KCNIP3: variants seen among roughly 807,000 people sequenced by gnomAD.
KCNIP3 encodes the protein potassium voltage-gated channel interacting protein 3.
In KCNIP3, 28 loss-of-function variants were observed where a neutral mutation model predicts 35.0. That is an observed-to-expected ratio of 0.80 (90% CI 0.59 to 1.10). The LOEUF (loss-of-function observed/expected upper bound fraction) is 1.10. Ranked by LOEUF, KCNIP3 falls within the 50% of genes least tolerant of loss-of-function variation. The pLI is 0.00. For missense variants in KCNIP3, 295 were observed against 338.4 expected (o/e 0.87, Z 1.01); for synonymous variants, 134 against 133.8 (o/e 1.00, Z -0.01).
intron 1 of KCNIP3, among the ~76,000 whole-genome samples, chr2:95,302,495 A>G (rs879578212): frequency 1.3e-5 from 2 of 152,130 alleles, no homozygotes; most frequent in Non-Finnish European, 2.9e-5. Flanking sequence ...GGCAGCTGAG[A>G]GCGGCACATT....
intron 2 of KCNIP3, among the ~76,000 whole-genome samples, chr2:95,360,979 G>A (rs1478976407): frequency 6.6e-6 from 1 of 152,216 alleles, no homozygotes; most frequent in African/African-American, 2.4e-5. Context: ...AGGTGGCCCA[G>A]GACTAGCCCC....
intron 2 of KCNIP3, among the ~76,000 whole-genome samples, chr2:95,320,940 C>T (rs1277768820): frequency 1.7e-5 from 2 of 120,356 alleles, no homozygotes; most frequent in African/African-American, 3.2e-5. Flanking sequence ...CTTCCCTAGG[C>T]CCTCTCCTCC....
intron 2 of KCNIP3, among the ~76,000 whole-genome samples, chr2:95,358,849 C>G (rs563327911): frequency 6.6e-6 from 1 of 151,780 alleles, no homozygotes; most frequent in East Asian, 2.0e-4. Flanking sequence ...GGTCCCACCT[C>G]TTGCCAAGCA....
chr2:95,354,549 A>G (rs1418455904), intron 2 of KCNIP3, among the ~76,000 whole-genome samples: 1 of 152,178 alleles, frequency 6.6e-6, no homozygotes, highest in African/African-American at 2.4e-5. Context: ...GAGAATGTCT[A>G]GAACCAGGAT....
chr2:95,346,632 G>A (rs917282046), intron 2 of KCNIP3: 1 of 144,952 alleles, frequency 6.9e-6, no homozygotes, highest in South Asian at 1.9e-4. Context: ...GCGCCCCGGC[G>A]CCCGCGGGGC....
chr2:95,350,786 G>A (rs1162100102), intron 2 of KCNIP3, among the ~76,000 whole-genome samples: 11 of 152,198 alleles, frequency 7.2e-5, no homozygotes, highest in African/African-American at 2.4e-4. Flanking sequence ...AATACCCGCT[G>A]TGCCCACCCT....
At chr2:95,381,943 T>G (rs1680357463) in intron 6 of KCNIP3, among the ~76,000 whole-genome samples, 1 of 152,180 alleles carries the variant, frequency 6.6e-6, no homozygotes, top group South Asian at 2.1e-4. Context: ...GCTCAGCAAG[T>G]GTTCTCGGTC....
chr2:95,319,228 C>T (rs979605915), intron 2 of KCNIP3, among the ~76,000 whole-genome samples: 9 of 152,226 alleles, frequency 5.9e-5, no homozygotes, highest in African/African-American at 1.9e-4. Flanking sequence ...CCCTGCTGTG[C>T]GGAGGCTGGT....
At chr2:95,341,629 C>T (rs1679197415) in intron 2 of KCNIP3, among the ~76,000 whole-genome samples, 2 of 152,228 alleles carry the variant, frequency 1.3e-5, no homozygotes, top group South Asian at 4.2e-4. Flanking sequence ...CTCCATTTTA[C>T]AAGGAGGAAA....
At chr2:95,341,086 G>C (rs1028737771) in intron 2 of KCNIP3, among the ~76,000 whole-genome samples, 11 of 152,148 alleles carry the variant, frequency 7.2e-5, no homozygotes, top group African/African-American at 1.9e-4. Flanking sequence ...ATCTCAAGTC[G>C]AACTGTAATC....
In KCNIP3 at chr2:95,297,423, T is replaced by G; in HGVS notation, c.-16T>G. ...TGAAGTGGGGAGGCTGGCAACAGTTTTCTTCAGCGCCCAGGATGCAGCCGG... is the reference window on the plus strand; with the variant it reads ...TGAAGTGGGGAGGCTGGCAACAGTTGTCTTCAGCGCCCAGGATGCAGCCGG... On this transcript the variant is annotated 5_prime_UTR_variant, in exon 1 of 9. Transcript: ENST00000295225. 6.4e-7 allele frequency: 1 copy of G among 1,558,272 alleles called. No individual in the cohort carries two copies. The highest frequency in any genetic ancestry group is 8.7e-7 in the Non-Finnish European group (1 of 1,150,652).
intron 2 of KCNIP3, among the ~76,000 whole-genome samples, chr2:95,356,115 C>T (rs1240347583): frequency 6.6e-6 from 1 of 152,108 alleles, no homozygotes; most frequent in African/African-American, 2.4e-5. Flanking sequence ...AGCATTTTTT[C>T]GTGTGTCTGT....
chr2:95,346,238 G>A (rs2104264702), intron 2 of KCNIP3, among the ~76,000 whole-genome samples: 1 of 151,640 alleles, frequency 6.6e-6, no homozygotes, highest in Admixed American at 6.6e-5. Flanking sequence ...CGCCGACTCC[G>A]CGCGGGCCAG....
At chr2:95,365,810 T>G (rs1573514858) in intron 2 of KCNIP3, among the ~76,000 whole-genome samples, 1 of 152,268 alleles carries the variant, frequency 6.6e-6, no homozygotes, top group South Asian at 2.1e-4. Flanking sequence ...TTTACACCCC[T>G]ATTTCCCTCC....
chr2:95,306,702 G>A (rs903391368), intron 1 of KCNIP3, among the ~76,000 whole-genome samples: 2 of 152,202 alleles, frequency 1.3e-5, no homozygotes, highest in African/African-American at 4.8e-5. Context: ...TGGCAAGGAG[G>A]CACTGGGGCT....
intron 2 of KCNIP3, among the ~76,000 whole-genome samples, chr2:95,364,752 C>A (rs1036546386): frequency 1.3e-5 from 2 of 152,176 alleles, no homozygotes; most frequent in African/African-American, 4.8e-5. Context: ...CGATTGGAAG[C>A]TTCCTGAGGC....
At chr2:95,347,167 A>G in intron 2 of KCNIP3, 4 of 1,499,496 alleles carry the variant, frequency 2.7e-6, no homozygotes, top group Non-Finnish European at 2.7e-6. Flanking sequence ...GCCGCAGACC[A>G]GTGGTCTGGA....
chr2:95,374,777 C>T, intron 3 of KCNIP3, 71 bp from the exon 4 acceptor site: 1 of 1,545,906 alleles, frequency 6.5e-7, no homozygotes, highest in African/African-American at 1.4e-5. Context: ...GAGAGGCCAG[C>T]CAGGCACCAT....
Position 95,385,226 on chromosome 2 carries a change from G to T in KCNIP3, c.*1177G>T, listed in dbSNP as rs922277768. The T allele has an allele frequency of 5.2e-5, 8 of 152,786 alleles. No homozygotes were observed. The East Asian group carries it at 1.3e-3, about 26-fold the overall frequency. 9.5% of individuals were successfully genotyped at this position (152,786 alleles called of 1,614,324 possible). On this transcript the variant is annotated 3_prime_UTR_variant, in exon 9 of 9. Transcript: ENST00000295225. ...TTGGGCCCAGTAGCCCCAATATGGT[G>T]GCCCTGGGGAAGAGGCCTTGGGGGT...
Sources: allele counts gnomAD v4.1 joint callset (sites outside exome capture counted in the v4.1 genomes callset), GRCh38; gene constraint gnomAD v4.1.1; transcripts MANE v1.5; gene names NCBI Gene and HGNC (gene_info 2026-07-23, HGNC 2026-07-21).